The following SLC2A5 variants were observed in gnomAD, a reference collection of about 807,000 sequenced individuals.
The protein encoded by SLC2A5 is solute carrier family 2 member 5, also known as solute carrier family 2, facilitated glucose transporter member 5.
Under a neutral mutation model 50.3 loss-of-function variants are expected in SLC2A5, and 56 were observed. The ratio of observed to expected loss-of-function variants is 1.11; its 90% CI spans 0.90 to 1.39. The LOEUF (loss-of-function observed/expected upper bound fraction) is 1.39. Among genes scored for constraint, SLC2A5 ranks in the 40% most tolerant of loss-of-function variants. The probability of loss-of-function intolerance (pLI) is 0.00; values close to 1 mark genes in which losing one functional copy is unlikely to be tolerated. For synonymous variants in SLC2A5, 269 were observed against 281.9 expected, an observed-to-expected ratio of 0.95 and a Z score of 0.46; for missense variants, 566 against 650.1, an observed-to-expected ratio of 0.87 and a Z score of 1.41.
rs1060998 is a variant in SLC2A5, at chr1:9,040,420, G to A, written c.572-231C>T. The A allele has an allele frequency of 0.23, 126,753 of 549,722 alleles. 15,504 individuals are homozygous for A. Among genetic ancestry groups the A allele is most frequent in the Non-Finnish European group, 0.26 (79,427 of 310,112 alleles). The allele number at this position is 549,722 out of a possible 1,614,324, so 34.1% of individuals were successfully genotyped here. A position where few individuals can be genotyped will look rare whatever the true frequency, so the allele number is the denominator to read the frequency against. On this transcript the variant is annotated intron_variant, in intron 5 of 11. Transcript: ENST00000377424. This position sits in a 1 kb window ranked among gnomAD's most constrained non-coding sequence, Gnocchi z 4.3. Reference sequence around the variant, plus strand: ...CCATCAGACAGACCACACCGACGAGGCCGGTAATACCATGTGCTGGTGAGA... The same window carrying A: ...CCATCAGACAGACCACACCGACGAGACCGGTAATACCATGTGCTGGTGAGA...
chr1:9,082,269 T>G (rs1642363141), intron 2 of SLC2A5, among the ~76,000 whole-genome samples: 3 of 152,034 alleles, frequency 2.0e-5, no homozygotes, highest in African/African-American at 4.8e-5. Context: ...CCAAAAAGAA[T>G]GAAAAACATG....
chr1:9,037,542 G>C lies in SLC2A5; in HGVS notation c.*44C>G. 6.5e-7 allele frequency: 1 copy of C among 1,537,312 alleles called. No homozygotes were observed. Among genetic ancestry groups the C allele is most frequent in the Non-Finnish European group, 9.0e-7 (1 of 1,112,844 alleles). The stretch of plus-strand genomic sequence containing the variant: ...AGAAGTCAGAAAAATAAGCCAAAGT[G>C]GGAAGCCCCTGGCAGACCAGCTCCA... On this transcript the variant is annotated 3_prime_UTR_variant, in exon 12 of 12. Coordinates refer to ENST00000377424, the MANE Select transcript of SLC2A5 (RefSeq NM_003039.3).
At chr1:9,043,543 C>T (rs1421886025) in intron 4 of SLC2A5, among the ~76,000 whole-genome samples, 1 of 152,004 alleles carries the variant, frequency 6.6e-6, no homozygotes, top group African/African-American at 2.4e-5. Context: ...TAACAAGAGC[C>T]ACTTAGCAGC....
At chr1:9,045,707 C>A (rs1441608716) in intron 4 of SLC2A5, among the ~76,000 whole-genome samples, 1 of 151,628 alleles carries the variant, frequency 6.6e-6, no homozygotes, top group Non-Finnish European at 1.5e-5. Flanking sequence ...CCATCTCTAC[C>A]AAAAATACAA....
chr1:9,077,379 A>G (rs1642296974), intron 2 of SLC2A5, among the ~76,000 whole-genome samples: 1 of 149,460 alleles, frequency 6.7e-6, no homozygotes, highest in African/African-American at 2.4e-5. Context: ...TGCCTGGGCA[A>G]CAGAGTCAAA....
upstream of SLC2A5, among the ~76,000 whole-genome samples, chr1:9,073,948 C>A (rs963874638): frequency 6.6e-6 from 1 of 152,100 alleles, no homozygotes; most frequent in South Asian, 2.1e-4. Flanking sequence ...GGCTTGGTGG[C>A]GGGAGCCCGT....
chr1:9,063,348 G>A (rs1364239597), intron 1 of SLC2A5, among the ~76,000 whole-genome samples: 1 of 151,442 alleles, frequency 6.6e-6, no homozygotes, highest in Non-Finnish European at 1.5e-5. Flanking sequence ...GCCATGCCCA[G>A]CCTGTATACT....
At position 9,047,679 on chromosome 1, in the gene SLC2A5, C is replaced by T; in HGVS notation, c.349G>A (p.Gly117Arg). 1 of 1,613,690 alleles carries T rather than the reference C, an allele frequency of 6.2e-7. No homozygotes were observed. Among genetic ancestry groups the T allele is most frequent in the Non-Finnish European group, 8.5e-7 (1 of 1,179,656 alleles). ...AATGATGTGGCGACTCTGCTGCATC[C>T]CATTAAGATCGCAGGCACGATAGAA... ...IFSIVPAILM[G>R]CSRVATSFEL... Residue 117 changes from glycine (G) to arginine (R), a missense_variant, in exon 4 of 12, where the codon GGA becomes AGA. Gly to Arg is a moderately radical substitution (Grantham distance 125). Transcript: ENST00000377424.
upstream of SLC2A5, among the ~76,000 whole-genome samples, chr1:9,090,540 C>T (rs371342184): frequency 1.4e-4 from 21 of 152,322 alleles, no homozygotes; most frequent in African/African-American, 4.1e-4. Flanking sequence ...TCAGGATTTG[C>T]GACAAATCAA....
chr1:9,039,054 A>C, intron 8 of SLC2A5, 125 bp from the exon 9 acceptor site: 2 of 1,131,084 alleles, frequency 1.8e-6, no homozygotes, highest in South Asian at 1.6e-5. Context: ...ACGCACACTC[A>C]CATTCACATG....
At chr1:9,067,838 C>A (rs1234204938) in intron 1 of SLC2A5, among the ~76,000 whole-genome samples, 1 of 152,078 alleles carries the variant, frequency 6.6e-6, no homozygotes, top group African/African-American at 2.4e-5. Context: ...TTAGCCAGTG[C>A]CAAATGGAAA....
At chr1:9,089,166 G>A (rs1370385098), upstream of SLC2A5, among the ~76,000 whole-genome samples, 2 of 152,090 alleles carry the variant, frequency 1.3e-5, no homozygotes, top group African/African-American at 2.4e-5. Context: ...GACCCAAACT[G>A]AACTTACCAA....
upstream of SLC2A5, among the ~76,000 whole-genome samples, chr1:9,093,234 A>G (rs1642479194): frequency 1.3e-5 from 2 of 152,048 alleles, no homozygotes; most frequent in Non-Finnish European, 2.9e-5. Context: ...AATGGAAGGG[A>G]CCTTACCAGA....
chr1:9,069,756 G>A (rs757236644), upstream of SLC2A5: 28 of 589,688 alleles, frequency 4.7e-5, no homozygotes, highest in African/African-American at 4.3e-4. Context: ...CTAAGTAAGT[G>A]GGTGCCCCCT....
upstream of SLC2A5, among the ~76,000 whole-genome samples, chr1:9,089,041 C>T (rs1174030970): frequency 1.3e-5 from 2 of 152,112 alleles, no homozygotes; most frequent in African/African-American, 4.8e-5. Context: ...TAACCTCCAC[C>T]CTCACTCCTG....
At chr1:9,082,142 T>A (rs990790090) in intron 2 of SLC2A5, among the ~76,000 whole-genome samples, 25 of 152,100 alleles carry the variant, frequency 1.6e-4, no homozygotes, top group African/African-American at 6.0e-4. Context: ...CACTTGTACC[T>A]TGCCGATGGG....
chr1:9,052,830 C>T (rs1467281182), intron 3 of SLC2A5, among the ~76,000 whole-genome samples: 1 of 151,288 alleles, frequency 6.6e-6, no homozygotes, highest in Non-Finnish European at 1.5e-5. Context: ...CCAGACTGAG[C>T]AACATAGCAA....
intron 3 of SLC2A5, among the ~76,000 whole-genome samples, chr1:9,048,819 C>T (rs1485529326): frequency 6.6e-6 from 1 of 151,954 alleles, no homozygotes; most frequent in Admixed American, 6.6e-5. Flanking sequence ...CCACACCCAG[C>T]TAAGTGTTTG....
Position 9,057,475 on chromosome 1 carries a change from A to G in SLC2A5, c.266T>C (p.Val89Ala). 1.2e-6 allele frequency: 2 copies of G among 1,613,930 alleles called. No individual in the cohort carries two copies. The highest frequency in any genetic ancestry group is 1.7e-6 in the Non-Finnish European group (2 of 1,179,964). ...PFGGFIGSLL[V>A]GPLVNKFGRK... ...GCCAAATTTATTCACCAAGGGGCCG[A>G]CCAGGAGGGATCCGATAAACCCTCC... The change falls in exon 3 of 12, where the codon GTC (valine) becomes GCC (alanine). Residue 89 changes from valine to alanine, a missense_variant. Coordinates refer to ENST00000377424, the MANE Select transcript of SLC2A5 (RefSeq NM_003039.3).
Sources: gnomAD v4.1 joint callset for allele counts (sites outside exome capture counted in the v4.1 genomes callset) on GRCh38, gnomAD v4.1.1 for gene constraint, Gnocchi (gnomAD v3.1) non-coding constraint, MANE v1.5 for transcripts, NCBI Gene and HGNC (gene_info 2026-07-23, HGNC 2026-07-21) for gene names.